Variants in SPATS2 observed in about 807,000 individuals in gnomAD.
SPATS2 encodes the protein spermatogenesis associated serine rich 2, also known as spermatogenesis-associated serine-rich protein 2.
A neutral mutation model predicts 63.7 loss-of-function variants in SPATS2; 38 were observed. The observed-to-expected ratio is 0.60, with a 90% confidence interval of 0.46 to 0.78. The LOEUF is 0.78. SPATS2 is among the 30% of genes least tolerant of loss of function. SPATS2 has a pLI of 0.00. For synonymous variants in SPATS2, 207 were observed against 232.9 expected, an observed-to-expected ratio of 0.89 and a Z score of 1.01; for missense variants, 588 against 666.2, an observed-to-expected ratio of 0.88 and a Z score of 1.29.
intron 2 of SPATS2, among the ~76,000 whole-genome samples, chr12:49,427,306 G>C (rs1290539013): frequency 1.3e-5 from 2 of 152,128 alleles, no homozygotes; most frequent in Non-Finnish European, 2.9e-5. Flanking sequence ...ATCTTATGTT[G>C]TATGTAATCT....
intron 3 of SPATS2, 41 bp downstream of exon 3, chr12:49,461,078 A>G (rs986764701): frequency 1.2e-6 from 2 of 1,601,778 alleles, no homozygotes; most frequent in Non-Finnish European, 1.7e-6. Flanking sequence ...AAGCATAGTT[A>G]TAATGATCCC....
At chr12:49,432,336 G>A (rs901653777) in intron 2 of SPATS2, among the ~76,000 whole-genome samples, 2 of 152,182 alleles carry the variant, frequency 1.3e-5, no homozygotes, top group African/African-American at 4.8e-5. Flanking sequence ...GCTGGGTGTG[G>A]TGGCAGGCGC....
Position 49,417,391 on chromosome 12 carries a change from C to T in SPATS2, c.-243-43379C>T, listed in dbSNP as rs11830595. The stretch of plus-strand genomic sequence containing the variant: ...TACTCCTAAGGGAAATTTTGAAAAG[C>T]GGTTAGGTGATGGAGATAATTTAGA... On this transcript the variant is annotated intron_variant, in intron 2 of 13. Transcript: ENST00000552918. 4.6e-5 allele frequency among the ~76,000 whole-genome samples: 7 copies of T among 151,998 alleles called. No homozygotes were observed. In the South Asian group the frequency reaches 6.2e-4, roughly 14 times the overall value.
chr12:49,376,433 G>A (rs994798607), intron 2 of SPATS2, among the ~76,000 whole-genome samples: 1 of 151,448 alleles, frequency 6.6e-6, no homozygotes, highest in Non-Finnish European at 1.5e-5. Flanking sequence ...GTCTTGCTTC[G>A]TCGCTCAAGT....
At position 49,498,023 on chromosome 12, in the gene SPATS2, T is replaced by G. The variant is rs768696937; in HGVS notation, c.703+1014T>G. Among the ~76,000 whole-genome samples the G allele has an allele frequency of 8.6e-5, 13 of 151,648 alleles. 1 individual carries two copies. In the Middle Eastern group the frequency reaches 0.014, roughly 161 times the overall value. ...TGTAATCAGTAGCTCTTTATGGAAT[T>G]ATTTATTACACATGAGCCAAATTTT... On this transcript the variant is annotated intron_variant, in intron 8 of 13. Transcript: ENST00000552918.
At chr12:49,470,330 C>T (rs1946013516) in intron 3 of SPATS2, among the ~76,000 whole-genome samples, 1 of 152,136 alleles carries the variant, frequency 6.6e-6, no homozygotes, top group Non-Finnish European at 1.5e-5. Flanking sequence ...CCACTCCTGA[C>T]CCCATTTCTC....
intron 10 of SPATS2, among the ~76,000 whole-genome samples, chr12:49,516,169 ATATATATATAT>A (rs1946843797): frequency 9.5e-4 from 11 of 11,604 alleles, no homozygotes; most frequent in African/African-American, 1.1e-3. Flanking sequence ...AAAAAAAAAT[ATATATATATAT>A]ATATATATAT....
chr12:49,509,733 C>G (rs932727458), intron 9 of SPATS2, among the ~76,000 whole-genome samples: 2 of 150,296 alleles, frequency 1.3e-5, no homozygotes, highest in African/African-American at 4.9e-5. Context: ...ACGAGAATCG[C>G]TTGAACCCTG....
At chr12:49,422,316 A>T (rs1299190224) in intron 2 of SPATS2, among the ~76,000 whole-genome samples, 4 of 152,204 alleles carry the variant, frequency 2.6e-5, no homozygotes, top group Non-Finnish European at 5.9e-5. Flanking sequence ...GAATTACATG[A>T]CATGTATGTA....
Position 49,465,724 on chromosome 12 carries a change from A to G in SPATS2, c.25+4687A>G, listed in dbSNP as rs535249902. Among the ~76,000 whole-genome samples the G allele has an allele frequency of 2.2e-4, 33 of 152,266 alleles. 1 individual carries two copies. The highest frequency in any genetic ancestry group is 7.0e-4 in the African/African-American group (29 of 41,550). On this transcript the variant is annotated intron_variant, in intron 3 of 13. Coordinates refer to ENST00000552918, the MANE Select transcript of SPATS2 (RefSeq NM_023071.4). ...TTTGGGAGGCCAAGGCAGGTGGATC[A>G]CCTGAGGTCAGGAGTTCAAGACCAG...
chr12:49,404,049 A>T (rs762558980), intron 2 of SPATS2, among the ~76,000 whole-genome samples: 3 of 152,188 alleles, frequency 2.0e-5, no homozygotes, highest in Non-Finnish European at 4.4e-5. Flanking sequence ...GCTGTGTGCC[A>T]GGCACTGGGC....
At position 49,495,685 on chromosome 12, in the gene SPATS2, A is replaced by G. The variant is rs537650233; in HGVS notation, c.526+683A>G. On this transcript the variant is annotated intron_variant, in intron 7 of 13. Coordinates refer to ENST00000552918, the MANE Select transcript of SPATS2 (RefSeq NM_023071.4). ...CTCATGCAAAAATTAAAAAAATTGC[A>G]GCCTCCGGCATAAATGGGTTAATAG... Among the ~76,000 whole-genome samples the G allele has an allele frequency of 2.0e-5, 3 of 152,340 alleles. No individual in the cohort carries two copies. The East Asian group carries it at 5.8e-4, about 29-fold the overall frequency.
At chr12:49,395,505 A>G (rs1273217551) in intron 2 of SPATS2, among the ~76,000 whole-genome samples, 2 of 150,804 alleles carry the variant, frequency 1.3e-5, no homozygotes, top group African/African-American at 4.9e-5. Context: ...GCTCACTGCA[A>G]CCTCCTCCTC....
intron 2 of SPATS2, among the ~76,000 whole-genome samples, chr12:49,372,940 T>TTGTGTGTGTGTG (rs56940721): frequency 3.2e-4 from 41 of 130,132 alleles, no homozygotes; most frequent in Non-Finnish European, 5.0e-4. Flanking sequence ...ATTTTCTGTT[T>TTGTGTGTGTGTG]TGTGTGTGTG....
chr12:49,374,262 A>C lies in SPATS2; in HGVS notation c.-244+2972A>C, dbSNP rs575273153. 4.6e-5 allele frequency among the ~76,000 whole-genome samples: 7 copies of C among 152,146 alleles called. No homozygotes were observed. The South Asian group carries it at 1.5e-3, about 32-fold the overall frequency. ...TTCTGTCACCTCAGCCTCAGTAGCT[A>C]GGACTGCAGGCACACACCATGGCAG... On this transcript the variant is annotated intron_variant, in intron 2 of 13. Coordinates refer to ENST00000552918, the MANE Select transcript of SPATS2 (RefSeq NM_023071.4).
intron 2 of SPATS2, among the ~76,000 whole-genome samples, chr12:49,394,669 T>C (rs1024974295): frequency 2.0e-5 from 3 of 152,136 alleles, no homozygotes; most frequent in African/African-American, 7.2e-5. Context: ...ATATAATAGA[T>C]TTTTCTGTAT....
intron 2 of SPATS2, among the ~76,000 whole-genome samples, chr12:49,377,000 G>T (rs949631294): frequency 6.6e-6 from 1 of 152,172 alleles, no homozygotes. Context: ...ACAGGCATGA[G>T]CCACCTCACC....
chr12:49,439,499 G>C (rs996806265), intron 2 of SPATS2, among the ~76,000 whole-genome samples: 5 of 152,220 alleles, frequency 3.3e-5, no homozygotes, highest in African/African-American at 1.2e-4. Flanking sequence ...GGAATGGCGA[G>C]AAGCAGTTGG....
At chr12:49,482,568 G>A (rs1380945271) in intron 3 of SPATS2, among the ~76,000 whole-genome samples, 1 of 152,138 alleles carries the variant, frequency 6.6e-6, no homozygotes, top group Non-Finnish European at 1.5e-5. Context: ...GCCCTATCTT[G>A]GGTGGTTTCC....
Sources: allele counts gnomAD v4.1 joint callset (sites outside exome capture counted in the v4.1 genomes callset), GRCh38; gene constraint gnomAD v4.1.1; transcripts MANE v1.5; gene names NCBI Gene and HGNC (gene_info 2026-07-23, HGNC 2026-07-21).